GRIK5: variants seen among roughly 807,000 people sequenced by gnomAD.
The protein encoded by GRIK5 is glutamate ionotropic receptor kainate type subunit 5, also known as glutamate receptor ionotropic, kainate 5.
A neutral mutation model predicts 97.4 loss-of-function variants in GRIK5; 43 were observed. The ratio of observed to expected loss-of-function variants is 0.44; its 90% CI spans 0.35 to 0.57. The LOEUF is 0.57. Among genes scored for constraint, GRIK5 ranks in the 20% least tolerant of loss-of-function variants. GRIK5 has a pLI of 0.01. For synonymous variants in GRIK5, 580 were observed against 583.5 expected, an observed-to-expected ratio of 0.99 and a Z score of 0.09; for missense variants, 1,015 against 1,382.0, an observed-to-expected ratio of 0.73 and a Z score of 4.21.
chr19:42,003,811 C>G lies in GRIK5; in HGVS notation c.2264-128G>C. 1 of 954,194 alleles carries G rather than the reference C, an allele frequency of 1.0e-6. No homozygotes were observed. Among genetic ancestry groups the G allele is most frequent in the Non-Finnish European group, 1.5e-6 (1 of 661,498 alleles). 59.1% of individuals were successfully genotyped at this position (954,194 alleles called of 1,614,324 possible). On this transcript the variant is annotated intron_variant, in intron 17 of 19. Transcript: ENST00000593562. This position sits in a 1 kb window ranked among gnomAD's most constrained non-coding sequence, Gnocchi z 4.2. ...CACGTGCCCAGGGTCTTCCCTGCAG[C>G]CTCTCCTCACCCCCAGCCCAGTCTC...
At chr19:42,053,971 C>A in intron 9 of GRIK5, 42 bp from the exon 10 acceptor site, 2 of 1,384,838 alleles carry the variant, frequency 1.4e-6, no homozygotes, top group Non-Finnish European at 2.1e-6. Flanking sequence ...AGTGCAGGGG[C>A]CCAGAGATGG....
intron 15 of GRIK5, among the ~76,000 whole-genome samples, chr19:42,016,659 C>A (rs2075627962): frequency 6.6e-6 from 1 of 152,144 alleles, no homozygotes; most frequent in African/African-American, 2.4e-5. Flanking sequence ...GAGGAGCAAT[C>A]CCAGGGGGCT....
At position 42,022,111 on chromosome 19, in the gene GRIK5, A is replaced by G. The variant is rs2075706677; in HGVS notation, c.1588-55T>C. On this transcript the variant is annotated intron_variant, in intron 13 of 19. Transcript: ENST00000593562. This position sits in a 1 kb window ranked among gnomAD's most constrained non-coding sequence, Gnocchi z 4.2. ...CACCCCTGGCCTGAGCCTCACACCCAGCCCCTGCCCTACCAGGGACCTGGG... is the reference window on the plus strand; with the variant it reads ...CACCCCTGGCCTGAGCCTCACACCCGGCCCCTGCCCTACCAGGGACCTGGG... The G allele has an allele frequency of 1.4e-6, 2 of 1,441,086 alleles. No homozygotes were observed. Among genetic ancestry groups the G allele is most frequent in the Non-Finnish European group, 1.9e-6 (2 of 1,034,086 alleles). The allele number at this position is 1,441,086 out of a possible 1,614,324, so 89.3% of individuals were successfully genotyped here.
intron 15 of GRIK5, among the ~76,000 whole-genome samples, chr19:42,010,358 G>A (rs1599752330): frequency 6.6e-6 from 1 of 152,114 alleles, no homozygotes; most frequent in Admixed American, 6.5e-5. Flanking sequence ...TTTATAAAAC[G>A]CACCAAGACA....
intron 11 of GRIK5, among the ~76,000 whole-genome samples, chr19:42,043,189 AT>A (rs2076000568): frequency 6.6e-6 from 1 of 152,122 alleles, no homozygotes; most frequent in African/African-American, 2.4e-5. Context: ...ACTAGACTTA[AT>A]TCCACAGAAC....
chr19:42,005,848 A>C lies in GRIK5; in HGVS notation c.2138T>G (p.Leu713Arg). ...KSTEEGIARV[L>R]NSRYAFLLES... The stretch of plus-strand genomic sequence containing the variant: ...GAGCAGGAAGGCGTAGCGGGAGTTG[A>C]GGACGCGGGCAATGCCCTCTTCTGT... The change falls in exon 17 of 20, where the codon CTC becomes CGC. Residue 713 changes from leucine (L) to arginine (R), a missense_variant. Physicochemically the swap from Leu to Arg is moderately radical, Grantham distance 102. Transcript: ENST00000593562. The C allele has an allele frequency of 6.2e-7, 1 of 1,612,882 alleles. No homozygotes were observed. The highest frequency in any genetic ancestry group is 8.5e-7 in the Non-Finnish European group (1 of 1,178,896).
At chr19:42,015,123 T>C (rs140852534) in intron 15 of GRIK5, among the ~76,000 whole-genome samples, 1 of 152,322 alleles carries the variant, frequency 6.6e-6, no homozygotes, top group East Asian at 1.9e-4. Context: ...CCTAAACATT[T>C]GTGCGCCTAA....
intron 12 of GRIK5, among the ~76,000 whole-genome samples, chr19:42,036,511 C>T (rs2075907295): frequency 1.3e-5 from 2 of 152,114 alleles, no homozygotes; most frequent in Admixed American, 1.3e-4. Context: ...CATGCCACCA[C>T]ACTTGGCTAA....
chr19:42,035,292 G>C (rs562300629), intron 12 of GRIK5, among the ~76,000 whole-genome samples: 1 of 152,206 alleles, frequency 6.6e-6, no homozygotes, highest in Admixed American at 6.6e-5. Flanking sequence ...AAACGTAGCT[G>C]TTTTTAAAGA....
chr19:42,035,862 T>C (rs1199821773), intron 12 of GRIK5, among the ~76,000 whole-genome samples: 1 of 152,206 alleles, frequency 6.6e-6, no homozygotes, highest in South Asian at 2.1e-4. Context: ...GTATTACATA[T>C]ATAAACAGAA....
At position 42,022,460 on chromosome 19, in the gene GRIK5, G is replaced by C; in HGVS notation, c.1474-106C>G. ...GAGTGAGCAACTGAGGGAGGCGAGA[G>C]AGAGAGAGGTAGGGAGGGGGAGGGG... On this transcript the variant is annotated intron_variant, in intron 12 of 19. Coordinates refer to ENST00000593562, the MANE Select transcript of GRIK5 (RefSeq NM_002088.5). The surrounding 1 kb of genome is among the most constrained non-coding windows in gnomAD (Gnocchi z 4.2). 1 of 1,485,992 alleles carries C rather than the reference G, an allele frequency of 6.7e-7. No individual in the cohort carries two copies. Among genetic ancestry groups the C allele is most frequent in the Non-Finnish European group, 9.0e-7 (1 of 1,111,952 alleles). 92.1% of individuals were successfully genotyped at this position (1,485,992 alleles called of 1,614,324 possible). A position where few individuals can be genotyped will look rare whatever the true frequency, so the allele number is the denominator to read the frequency against.
At chr19:42,058,835 A>T (rs2076220978) in intron 6 of GRIK5, among the ~76,000 whole-genome samples, 1 of 151,892 alleles carries the variant, frequency 6.6e-6, no homozygotes, top group Non-Finnish European at 1.5e-5. Flanking sequence ...CAAAAAAAAA[A>T]AAAAAGAAAA....
chr19:42,064,156 TCA>T (rs1411173609), intron 3 of GRIK5, among the ~76,000 whole-genome samples: 1 of 152,150 alleles, frequency 6.6e-6, no homozygotes, highest in African/African-American at 2.4e-5. Context: ...CAGACATATA[TCA>T]GAGTACACAC....
chr19:42,048,796 T>C (rs958460620), intron 11 of GRIK5, among the ~76,000 whole-genome samples: 2 of 152,126 alleles, frequency 1.3e-5, no homozygotes, highest in African/African-American at 4.8e-5. Context: ...CCCAGCACTT[T>C]AGGAGGTCAA....
intron 8 of GRIK5, among the ~76,000 whole-genome samples, chr19:42,055,054 G>A (rs1308532848): frequency 6.6e-6 from 1 of 152,198 alleles, no homozygotes; most frequent in Non-Finnish European, 1.5e-5. Flanking sequence ...TCTGTAAAAT[G>A]AGGATAATAG....
chr19:42,041,904 G>C (rs761969439), intron 12 of GRIK5, among the ~76,000 whole-genome samples: 4 of 152,114 alleles, frequency 2.6e-5, no homozygotes, highest in Non-Finnish European at 4.4e-5. Context: ...CGTCCTCTGA[G>C]CTCCCCAATC....
rs2075996019 is a variant in GRIK5 at position 42,042,823 on chromosome 19, C to A, written c.1270-68G>T. 2 of 1,240,576 alleles carry A rather than the reference C, an allele frequency of 1.6e-6. No homozygotes were observed. Among genetic ancestry groups the A allele is most frequent in the Admixed American group, 2.0e-5 (1 of 50,722 alleles). 76.8% of individuals were successfully genotyped at this position (1,240,576 alleles called of 1,614,324 possible). On this transcript the variant is annotated intron_variant, in intron 11 of 19. Transcript: ENST00000593562. This position sits in a 1 kb window ranked among gnomAD's most constrained non-coding sequence, Gnocchi z 6.9. ...AGTGGCTGGGTTGCGGATCCTGGAG[C>A]CCGGACCAGGCAGGTAGAGCAGGAA...
At chr19:42,056,587 G>A (rs1212447368) in intron 8 of GRIK5, 75 bp downstream of exon 8, 2 of 1,288,998 alleles carry the variant, frequency 1.6e-6, no homozygotes, top group African/African-American at 2.9e-5. Flanking sequence ...CATGATCTGA[G>A]TGAGGTCTGA....
At chr19:42,016,225 G>A (rs2075621837) in intron 15 of GRIK5, among the ~76,000 whole-genome samples, 1 of 152,142 alleles carries the variant, frequency 6.6e-6, no homozygotes, top group Non-Finnish European at 1.5e-5. Flanking sequence ...TTCAAGACCA[G>A]CCTGGCCAAC....
Sources: gnomAD v4.1 joint callset for allele counts (sites outside exome capture counted in the v4.1 genomes callset) on GRCh38, gnomAD v4.1.1 for gene constraint, Gnocchi (gnomAD v3.1) non-coding constraint, MANE v1.5 for transcripts, NCBI Gene and HGNC (gene_info 2026-07-23, HGNC 2026-07-21) for gene names.